DGLUCY: variants seen among roughly 807,000 people sequenced by gnomAD.
DGLUCY encodes the protein D-glutamate cyclase, mitochondrial.
Under a neutral mutation model 58.5 loss-of-function variants are expected in DGLUCY, and 58 were observed. The ratio of observed to expected loss-of-function variants is 0.99; its 90% CI spans 0.80 to 1.23. The LOEUF (loss-of-function observed/expected upper bound fraction) is 1.23, where lower values mean the gene tolerates loss of function less well. Ranked by LOEUF, DGLUCY falls within the 50% of genes most tolerant of loss-of-function variation. The pLI is 0.00. For synonymous variants in DGLUCY, 325 were observed against 314.1 expected (o/e 1.03, Z -0.37); for missense variants, 779 against 784.7 (o/e 0.99, Z 0.09).
intron 13 of DGLUCY, chr14:91,223,890 A>C: frequency 3.1e-6 from 1 of 320,470 alleles, no homozygotes; most frequent in Non-Finnish European, 5.9e-6. Flanking sequence ...TAAGGCACAG[A>C]ACAGTTAAAA....
chr14:91,181,498 C>A, intron 8 of DGLUCY, 109 bp downstream of exon 8: 1 of 1,115,764 alleles, frequency 9.0e-7, no homozygotes, highest in Non-Finnish European at 1.3e-6. Flanking sequence ...AATGTATCCA[C>A]AGGATGATTT....
At chr14:91,082,436 G>C (rs540548855) in intron 1 of DGLUCY, among the ~76,000 whole-genome samples, 3 of 152,290 alleles carry the variant, frequency 2.0e-5, no homozygotes, top group Admixed American at 1.3e-4. Flanking sequence ...ATTACTTCAG[G>C]AACATTGTTG....
At chr14:91,091,634 A>G (rs2044313109) in intron 1 of DGLUCY, among the ~76,000 whole-genome samples, 1 of 152,224 alleles carries the variant, frequency 6.6e-6, no homozygotes. Flanking sequence ...TGACAACTGG[A>G]CAAAGGTCCA....
At position 91,163,657 on chromosome 14, in the gene DGLUCY, C is replaced by T. The variant is rs995335154; in HGVS notation, c.103+3260C>T. The stretch of plus-strand genomic sequence containing the variant: ...CCAGTGCCTGCAGCCCAGCAGAGGC[C>T]ACTCCGTGATGAAATGAGGCAAGCT... On this transcript the variant is annotated intron_variant, in intron 3 of 13. Transcript: ENST00000256324. Among the ~76,000 whole-genome samples the T allele has an allele frequency of 3.3e-5, 5 of 152,126 alleles. No individual in the cohort carries two copies. The East Asian group carries it at 9.6e-4, about 29-fold the overall frequency.
At chr14:91,094,853 GT>G (rs2044369455) in intron 1 of DGLUCY, among the ~76,000 whole-genome samples, 2 of 151,972 alleles carry the variant, frequency 1.3e-5, no homozygotes, top group Non-Finnish European at 2.9e-5. Flanking sequence ...CAGGCCTCGA[GT>G]GAGAACTCAA....
chr14:91,074,414 G>A (rs759143331), intron 1 of DGLUCY, among the ~76,000 whole-genome samples: 32 of 151,490 alleles, frequency 2.1e-4, no homozygotes, highest in South Asian at 6.2e-4. Flanking sequence ...AGGAGTTCGA[G>A]GCTGCAGTGA....
intron 1 of DGLUCY, among the ~76,000 whole-genome samples, chr14:91,066,388 G>GAAAAAAAAAA (rs58589619): frequency 8.8e-6 from 1 of 113,856 alleles, no homozygotes; most frequent in Non-Finnish European, 1.9e-5. Context: ...AAAAAAAAAA[G>GAAAAAAAAAA]AAAAAAAAAA....
Position 91,205,806 on chromosome 14 carries a change from T to C in DGLUCY, c.1564+981T>C, listed in dbSNP as rs1189092979. ...TTCTTCTTCTTCTTCTCCGTCTCCTTCTCCTCCTCCTCCTCCTCCTCCCTT... is the reference window on the plus strand; with the variant it reads ...TTCTTCTTCTTCTTCTCCGTCTCCTCCTCCTCCTCCTCCTCCTCCTCCCTT... On this transcript the variant is annotated intron_variant, in intron 12 of 13. Coordinates refer to ENST00000256324, the MANE Select transcript of DGLUCY (RefSeq NM_001102368.3). Among the ~76,000 whole-genome samples, 81 of 131,896 alleles carry C rather than the reference T, an allele frequency of 6.1e-4. 3 individuals carry two copies. The highest frequency in any genetic ancestry group is 1.7e-3 in the African/African-American group (54 of 31,766). The allele number at this position is 131,896 out of a possible 152,430, so 86.5% of individuals were successfully genotyped here. A position where few individuals can be genotyped will look rare whatever the true frequency, so the allele number is the denominator to read the frequency against.
At chr14:91,139,897 G>A (rs2046552269) in intron 1 of DGLUCY, among the ~76,000 whole-genome samples, 1 of 152,208 alleles carries the variant, frequency 6.6e-6, no homozygotes, top group Non-Finnish European at 1.5e-5. Context: ...TTTAAAAGGG[G>A]AGAAAGCAGG....
At chr14:91,097,389 C>G (rs2044412748) in intron 1 of DGLUCY, among the ~76,000 whole-genome samples, 1 of 151,942 alleles carries the variant, frequency 6.6e-6, no homozygotes, top group Non-Finnish European at 1.5e-5. Context: ...GAGCGAGACA[C>G]TGTCTCAAAA....
chr14:91,071,371 G>A (rs115933848), intron 1 of DGLUCY, among the ~76,000 whole-genome samples: 1,843 of 149,496 alleles, frequency 0.012, 39 homozygotes, highest in African/African-American at 0.043. Flanking sequence ...AAGGCTGTTG[G>A]CAGTCATTCT....
chr14:91,063,156 A>G (rs1377122039), intron 1 of DGLUCY, among the ~76,000 whole-genome samples: 3 of 152,160 alleles, frequency 2.0e-5, no homozygotes, highest in Non-Finnish European at 2.9e-5. Flanking sequence ...ATTTAAGCTG[A>G]GACTTTAAAA....
chr14:91,159,652 G>T (rs1403434342), intron 2 of DGLUCY, among the ~76,000 whole-genome samples: 1 of 152,166 alleles, frequency 6.6e-6, no homozygotes, highest in Non-Finnish European at 1.5e-5. Context: ...TGCCTAGAGT[G>T]GGGTTAGGGG....
chr14:91,160,977 A>G (rs1476172694), intron 3 of DGLUCY, among the ~76,000 whole-genome samples: 6 of 152,252 alleles, frequency 3.9e-5, no homozygotes, highest in Non-Finnish European at 5.9e-5. Flanking sequence ...AAAGTACTAG[A>G]GCAAGACCAT....
chr14:91,081,395 T>C (rs1019335156), intron 1 of DGLUCY, among the ~76,000 whole-genome samples: 1 of 152,236 alleles, frequency 6.6e-6, no homozygotes, highest in Non-Finnish European at 1.5e-5. Context: ...TAGGGATTCA[T>C]AGACGGGAAC....
rs529536760 is a variant in DGLUCY, at chr14:91,180,724, TAAATC to T, written c.731-458_731-454del. ...GAGTCTTTAAAGAATAAAATTAACA[TAAATC>T]AAAGCAAAATGTAAGTGCCATAAGG... On this transcript the variant is annotated intron_variant, in intron 7 of 13. Coordinates refer to ENST00000256324, the MANE Select transcript of DGLUCY (RefSeq NM_001102368.3). Among the ~76,000 whole-genome samples the T allele has an allele frequency of 6.7e-4, 102 of 152,082 alleles. 1 individual carries two copies. The East Asian group carries it at 0.011, about 16-fold the overall frequency.
upstream of DGLUCY, among the ~76,000 whole-genome samples, chr14:91,105,334 A>C (rs991019831): frequency 2.6e-5 from 4 of 152,138 alleles, no homozygotes; most frequent in African/African-American, 9.7e-5. Flanking sequence ...AAGAAAAAAA[A>C]ATGCATTATC....
chr14:91,079,206 A>G (rs2044083465), intron 1 of DGLUCY, among the ~76,000 whole-genome samples: 2 of 151,782 alleles, frequency 1.3e-5, no homozygotes, highest in Admixed American at 6.6e-5. Context: ...GCCCAGCCTT[A>G]TTTTGTGTTT....
At chr14:91,213,592 C>T (rs1465316004) in intron 12 of DGLUCY, among the ~76,000 whole-genome samples, 1 of 152,146 alleles carries the variant, frequency 6.6e-6, no homozygotes, top group Admixed American at 6.5e-5. Flanking sequence ...ATCTTAAAAT[C>T]AGTAGAATAC....
Sources: gnomAD v4.1 joint callset for allele counts (sites outside exome capture counted in the v4.1 genomes callset) on GRCh38, gnomAD v4.1.1 for gene constraint, MANE v1.5 for transcripts, NCBI Gene and HGNC (gene_info 2026-07-23, HGNC 2026-07-21) for gene names.